PLCG2: variants seen among roughly 807,000 people sequenced by gnomAD.
PLCG2 encodes the protein 1-phosphatidylinositol 4,5-bisphosphate phosphodiesterase gamma-2.
PLCG2 carries 69 observed loss-of-function variants against 175.6 expected under a neutral mutation model. The observed-to-expected ratio is 0.39, with a 90% CI of 0.32 to 0.48. The LOEUF is 0.48. Among genes scored for constraint, PLCG2 ranks in the 20% least tolerant of loss-of-function variants. PLCG2 has a pLI of 0.91. For synonymous variants in PLCG2, 827 were observed against 624.0 expected, an observed-to-expected ratio of 1.33 and a Z score of -4.85; for missense variants, 1,798 against 1,650.9, an observed-to-expected ratio of 1.09 and a Z score of -1.54.
chr16:81,929,782 G>C (rs1305553349), intron 24 of PLCG2, among the ~76,000 whole-genome samples: 2 of 152,252 alleles, frequency 1.3e-5, no homozygotes, highest in Non-Finnish European at 2.9e-5. Flanking sequence ...CCGATTACCA[G>C]ATGGGAAAAT....
At chr16:81,833,708 AT>A (rs1567488598) in intron 2 of PLCG2, among the ~76,000 whole-genome samples, 1 of 151,380 alleles carries the variant, frequency 6.6e-6, no homozygotes, top group South Asian at 2.1e-4. Flanking sequence ...TATTATATAT[AT>A]TTTTTTGTAG....
Position 81,938,895 on chromosome 16 carries a change from A to G in PLCG2, c.3293A>G (p.Lys1098Arg). 6.2e-7 allele frequency: 1 copy of G among 1,609,262 alleles called. No individual in the cohort carries two copies. The highest frequency in any genetic ancestry group is 8.5e-7 in the Non-Finnish European group (1 of 1,176,070). The change falls in exon 29 of 33, where the codon AAG (lysine) becomes AGG (arginine). Residue 1098 changes from lysine to arginine, a missense_variant. Coordinates refer to ENST00000564138, the MANE Select transcript of PLCG2 (RefSeq NM_002661.5). ...EICGAEYDNN[K>R]FKTTVVNDNG... is the part of the protein sequence containing the mutation. ...TGTGGAGCCGAGTATGACAACAACAAGTTCAAGACGACGGTTGTGAGTAAG... is the reference window on the plus strand; with the variant it reads ...TGTGGAGCCGAGTATGACAACAACAGGTTCAAGACGACGGTTGTGAGTAAG...
At chr16:81,895,272 G>A (rs1471509449) in intron 12 of PLCG2, among the ~76,000 whole-genome samples, 3 of 152,178 alleles carry the variant, frequency 2.0e-5, no homozygotes, top group Non-Finnish European at 2.9e-5. Context: ...TTAAAAAGAA[G>A]CATTGAGGTT....
At chr16:81,875,202 G>A (rs1051006274) in intron 7 of PLCG2, among the ~76,000 whole-genome samples, 1 of 152,018 alleles carries the variant, frequency 6.6e-6, no homozygotes, top group Non-Finnish European at 1.5e-5. Flanking sequence ...GACCTCAGGT[G>A]ATCCTCCCGC....
chr16:81,791,842 G>A (rs925584912), intron 2 of PLCG2, among the ~76,000 whole-genome samples: 2 of 152,156 alleles, frequency 1.3e-5, no homozygotes, highest in African/African-American at 4.8e-5. Flanking sequence ...TGGGATTACA[G>A]GCATGAACCA....
intron 22 of PLCG2, among the ~76,000 whole-genome samples, 176 bp from the exon 23 acceptor site, chr16:81,926,906 A>G (rs1910297033): frequency 6.6e-6 from 1 of 152,244 alleles, no homozygotes. Context: ...ATTAAAAAAT[A>G]AAAAGACAGC....
At chr16:81,776,894 A>T (rs972386293), upstream of PLCG2, among the ~76,000 whole-genome samples, 2 of 152,184 alleles carry the variant, frequency 1.3e-5, no homozygotes, top group African/African-American at 4.8e-5. Context: ...GAGTTTGAGA[A>T]AGAGATGAAG....
Position 81,893,704 on chromosome 16 carries a change from T to C in PLCG2, c.987-5T>C. ...TCACACGGCCACCTGCCTTCTCTCC[T>C]GCAGGTACCTTACAGGTGACCAGCT... On this transcript the variant is annotated splice_polypyrimidine_tract_variant and splice_region_variant and intron_variant, in intron 11 of 32. Coordinates refer to ENST00000564138, the MANE Select transcript of PLCG2 (RefSeq NM_002661.5). 1 of 1,600,498 alleles carries C rather than the reference T, an allele frequency of 6.2e-7. No individual in the cohort carries two copies. Among genetic ancestry groups the C allele is most frequent in the Non-Finnish European group, 8.6e-7 (1 of 1,169,064 alleles).
chr16:81,957,413 G>C (rs1040661940), intron 32 of PLCG2, among the ~76,000 whole-genome samples: 12 of 152,192 alleles, frequency 7.9e-5, no homozygotes, highest in African/African-American at 2.7e-4. Context: ...CCCCTAAGTA[G>C]AACTGTTTCC....
At chr16:81,805,774 T>TG (rs1567473547) in intron 2 of PLCG2, among the ~76,000 whole-genome samples, 14 of 97,642 alleles carry the variant, frequency 1.4e-4, no homozygotes, top group African/African-American at 4.9e-4. Flanking sequence ...TTTGTTTTTT[T>TG]TTTTTTTTGT....
At position 81,829,774 on chromosome 16, in the gene PLCG2, C is replaced by T. The variant is rs905967340; in HGVS notation, c.194-24670C>T. 2.6e-5 allele frequency among the ~76,000 whole-genome samples: 4 copies of T among 152,210 alleles called. No homozygotes were observed. The South Asian group carries it at 8.3e-4, about 32-fold the overall frequency. On this transcript the variant is annotated intron_variant, in intron 2 of 32. Coordinates refer to ENST00000564138, the MANE Select transcript of PLCG2 (RefSeq NM_002661.5). ...TGACAAGAGCCATTTTGTCCACTCT[C>T]TCCTGCTGGGCATTTGTGCTGAGTC...
intron 2 of PLCG2, among the ~76,000 whole-genome samples, chr16:81,850,072 C>A (rs1906328898): frequency 6.6e-6 from 1 of 152,070 alleles, no homozygotes; most frequent in Non-Finnish European, 1.5e-5. Context: ...CAAAAGTAAA[C>A]AAGGAGACTC....
rs547921326 is a variant in PLCG2 at position 81,897,670 on chromosome 16, C to T, written c.1193+1743C>T. On this transcript the variant is annotated intron_variant, in intron 13 of 32. Transcript: ENST00000564138. ...GAGCAATTCCCCTGTCTCAGCCTCC[C>T]GAGTAGCTGGGATTATAGGCATCCA... Among the ~76,000 whole-genome samples, 21 of 151,856 alleles carry T rather than the reference C, an allele frequency of 1.4e-4. No individual in the cohort carries two copies. The East Asian group carries it at 2.7e-3, about 20-fold the overall frequency.
At chr16:81,893,875 A>G (rs1053986419) in intron 12 of PLCG2, 81 bp downstream of exon 12, 2 of 867,424 alleles carry the variant, frequency 2.3e-6, no homozygotes, top group African/African-American at 1.7e-5. Context: ...TTTCTTTCGA[A>G]TTGTAAAAAG....
At chr16:81,923,336 GCCAGTC>G in intron 21 of PLCG2, 143 bp from the exon 22 acceptor site, 1 of 574,262 alleles carries the variant, frequency 1.7e-6, no homozygotes, top group Non-Finnish European at 3.1e-6. Flanking sequence ...CCTTTGCAAT[GCCAGTC>G]CCTCTCCAGC....
chr16:81,881,406 A>G (rs954525706), intron 8 of PLCG2, among the ~76,000 whole-genome samples: 1 of 152,260 alleles, frequency 6.6e-6, no homozygotes, highest in Admixed American at 6.5e-5. Flanking sequence ...ATTATTACTA[A>G]AAAGTCAGAG....
At position 81,956,775 on chromosome 16, in the gene PLCG2, T is replaced by C. The variant is rs377396134; in HGVS notation, c.3651T>C (p.Tyr1217=). 3.7e-6 allele frequency: 6 copies of C among 1,614,058 alleles called. No individual in the cohort carries two copies. The highest frequency in any genetic ancestry group is 2.7e-5 in the African/African-American group (2 of 74,934). ...QEELNNQLFL[Y]DTHQNLRNAN... is the part of the protein sequence containing the mutation. ...AACTGAACAACCAGCTCTTTCTGTA[T>C]GACACACACCAGAACTTGCGCAATG... The change falls in exon 32 of 33, where the codon TAT becomes TAC. Residue 1217 remains tyrosine, a synonymous_variant. Transcript: ENST00000564138.
chr16:81,834,676 C>A (rs1905422683), intron 2 of PLCG2, among the ~76,000 whole-genome samples: 1 of 152,042 alleles, frequency 6.6e-6, no homozygotes, highest in Non-Finnish European at 1.5e-5. Flanking sequence ...CTGGTAGGAC[C>A]CACCTGGGAC....
chr16:81,886,166 G>A (rs1908354943), intron 9 of PLCG2, among the ~76,000 whole-genome samples: 2 of 152,224 alleles, frequency 1.3e-5, no homozygotes, highest in African/African-American at 2.4e-5. Context: ...TAGGGAGACT[G>A]GGGCGTGTAG....
Sources: allele counts gnomAD v4.1 joint callset (sites outside exome capture counted in the v4.1 genomes callset), GRCh38; gene constraint gnomAD v4.1.1; transcripts MANE v1.5; gene names NCBI Gene and HGNC (gene_info 2026-07-23, HGNC 2026-07-21).